CPLX2: variants seen among roughly 807,000 people sequenced by gnomAD.
CPLX2 encodes complexin-2.
A neutral mutation model predicts 16.3 loss-of-function variants in CPLX2; 5 were observed. The observed-to-expected ratio is 0.31, with a 90% CI of 0.16 to 0.64. CPLX2 has a LOEUF of 0.64. Among genes scored for constraint, CPLX2 ranks in the 30% least tolerant of loss-of-function variants. CPLX2 has a pLI of 0.79. For missense variants in CPLX2, 144 were observed against 181.4 expected (o/e 0.79, Z 1.18); for synonymous variants, 89 against 73.2 (o/e 1.22, Z -1.10).
At chr5:175,879,250 A>G (rs981930627) in intron 3 of CPLX2, among the ~76,000 whole-genome samples, 167 bp downstream of exon 3, 13 of 152,158 alleles carry the variant, frequency 8.5e-5, no homozygotes, top group Admixed American at 2.6e-4. Flanking sequence ...CACCTCCCTC[A>G]AGGGATCCTT....
At chr5:175,827,744 T>C (rs1411227111) in intron 2 of CPLX2, among the ~76,000 whole-genome samples, 1 of 152,118 alleles carries the variant, frequency 6.6e-6, no homozygotes, top group African/African-American at 2.4e-5. Context: ...TGAGTGACAG[T>C]GAGACTCCGT....
intron 2 of CPLX2, among the ~76,000 whole-genome samples, chr5:175,815,626 CA>C (rs752251855): frequency 6.0e-5 from 9 of 150,932 alleles, no homozygotes; most frequent in Non-Finnish European, 1.2e-4. Context: ...GTTGACCAAA[CA>C]ATATGTACCA....
At chr5:175,867,741 C>T (rs531668572), upstream of CPLX2, among the ~76,000 whole-genome samples, 1 of 152,098 alleles carries the variant, frequency 6.6e-6, no homozygotes, top group African/African-American at 2.4e-5. Context: ...GATGATGACA[C>T]ACAGCGCCTG....
At chr5:175,838,364 T>A (rs1758875407) in intron 2 of CPLX2, among the ~76,000 whole-genome samples, 1 of 149,580 alleles carries the variant, frequency 6.7e-6, no homozygotes, top group African/African-American at 2.5e-5. Context: ...ACCTCCTGGG[T>A]TCACGCCATT....
intron 2 of CPLX2, among the ~76,000 whole-genome samples, chr5:175,846,819 G>A (rs1024750652): frequency 2.6e-5 from 4 of 152,146 alleles, no homozygotes; most frequent in African/African-American, 9.7e-5. Context: ...CTCCCGGGCT[G>A]CTGGAGTGTG....
In CPLX2 at chr5:175,836,708, G is replaced by A. The variant is rs536183256; in HGVS notation, c.-89+27640G>A. 5.3e-5 allele frequency among the ~76,000 whole-genome samples: 8 copies of A among 152,316 alleles called. No individual in the cohort carries two copies. In the South Asian group the frequency reaches 6.2e-4, roughly 12 times the overall value. On this transcript the variant is annotated intron_variant, in intron 2 of 4. Transcript: ENST00000359546. Reference sequence around the variant, plus strand: ...TAAGCATTCCGTCTTCAACTACCCCGTCCTCTGTCCAAAAGATAGAGGCCT... The same window carrying A: ...TAAGCATTCCGTCTTCAACTACCCCATCCTCTGTCCAAAAGATAGAGGCCT...
rs563025343 is a variant in CPLX2 at position 175,832,565 on chromosome 5, T to C, written c.-89+23497T>C. Among the ~76,000 whole-genome samples, 148 of 152,318 alleles carry C rather than the reference T, an allele frequency of 9.7e-4. 3 individuals are homozygous for C. In the South Asian group the frequency reaches 0.015, roughly 15 times the overall value. On this transcript the variant is annotated intron_variant, in intron 2 of 4. Coordinates refer to the CPLX2 transcript ENST00000359546. ...CTGTGACGCTTTCAGTTATGTTCTT[T>C]TGTAAATGCCAGACAAGCTTGGGGA...
chr5:175,833,377 G>A (rs1263108922), intron 2 of CPLX2, among the ~76,000 whole-genome samples: 4 of 152,100 alleles, frequency 2.6e-5, no homozygotes, highest in African/African-American at 4.8e-5. Context: ...CAGAGAACTC[G>A]TGGTGAAGAA....
intron 2 of CPLX2, among the ~76,000 whole-genome samples, chr5:175,826,628 C>A (rs1228686978): frequency 3.3e-5 from 5 of 151,690 alleles, no homozygotes; most frequent in Non-Finnish European, 5.9e-5. Flanking sequence ...GGGAAGGAGA[C>A]GAAGAAAGGA....
chr5:175,881,446 G>A lies in CPLX2; in HGVS notation c.*1401G>A, dbSNP rs1448737170. 3 of 153,440 alleles carry A rather than the reference G, an allele frequency of 2.0e-5. No homozygotes were observed. The highest frequency in any genetic ancestry group is 4.4e-5 in the Non-Finnish European group (3 of 68,180). The allele number at this position is 153,440 out of a possible 1,614,324, so 9.5% of individuals were successfully genotyped here. A position where few individuals can be genotyped will look rare whatever the true frequency, so the allele number is the denominator to read the frequency against. ...GTTTAGAGGCTGTATATGTTAGCTT[G>A]TGTAAGAATGTGTTTTCAAAACAGT... On this transcript the variant is annotated 3_prime_UTR_variant, in exon 4 of 4. Transcript: ENST00000393745.
At chr5:175,850,257 G>A (rs1182731009) in intron 2 of CPLX2, among the ~76,000 whole-genome samples, 2 of 152,190 alleles carry the variant, frequency 1.3e-5, no homozygotes, top group Admixed American at 1.3e-4. Context: ...TGGGGTCTGA[G>A]GTCACCCATG....
At chr5:175,875,409 C>T (rs1214995172) in intron 1 of CPLX2, among the ~76,000 whole-genome samples, 1 of 152,196 alleles carries the variant, frequency 6.6e-6, no homozygotes, top group East Asian at 1.9e-4. Context: ...GTTACAGGAG[C>T]TCCCACTCAC....
chr5:175,835,728 C>CT lies in CPLX2; in HGVS notation c.-89+26688dup, dbSNP rs71575283. 3.2e-3 allele frequency among the ~76,000 whole-genome samples: 173 copies of CT among 54,800 alleles called. 18 individuals carry two copies. Among genetic ancestry groups the CT allele is most frequent in the South Asian group, 0.016 (16 of 1,016 alleles). 36.0% of individuals were successfully genotyped at this position (54,800 alleles called of 152,430 possible). ...TTTTATTTATTTATTTATTTATTTA[C>CT]TTTTTTTTTTTTTTTTTTTTTTTTT... On this transcript the variant is annotated intron_variant, in intron 2 of 4. Transcript: ENST00000359546.
chr5:175,856,414 CAGT>C (rs1759258082), intron 2 of CPLX2, among the ~76,000 whole-genome samples: 3 of 152,186 alleles, frequency 2.0e-5, no homozygotes, highest in Admixed American at 2.0e-4. Flanking sequence ...GACTTGCCTA[CAGT>C]CACCCAGCTA....
Position 175,845,496 on chromosome 5 carries a change from T to A in CPLX2, c.-88-33156T>A, listed in dbSNP as rs562298173. On this transcript the variant is annotated intron_variant, in intron 2 of 4. Coordinates refer to the CPLX2 transcript ENST00000359546. The surrounding 1 kb of genome is among the most constrained non-coding windows in gnomAD (Gnocchi z 4.0). Reference sequence around the variant, plus strand: ...GGCAGATTATCCCATCAGGCAAAGGTCACTCCCCCTCATGAGGGCCACTCC... The same window carrying A: ...GGCAGATTATCCCATCAGGCAAAGGACACTCCCCCTCATGAGGGCCACTCC... 6.6e-6 allele frequency among the ~76,000 whole-genome samples: 1 copy of A among 152,318 alleles called. No homozygotes were observed. Among genetic ancestry groups the A allele is most frequent in the East Asian group, 1.9e-4 (1 of 5,182 alleles).
chr5:175,838,661 A>G (rs1486217402), intron 2 of CPLX2, among the ~76,000 whole-genome samples: 4 of 152,016 alleles, frequency 2.6e-5, no homozygotes, highest in Non-Finnish European at 4.4e-5. Context: ...GGCTGTGACC[A>G]CATGGTTTTC....
intron 2 of CPLX2, among the ~76,000 whole-genome samples, chr5:175,822,355 C>T (rs1758527323): frequency 1.3e-5 from 2 of 152,198 alleles, no homozygotes; most frequent in African/African-American, 4.8e-5. Context: ...TGATGTCTAA[C>T]AGACCAGGGT....
intron 2 of CPLX2, among the ~76,000 whole-genome samples, chr5:175,843,206 C>A (rs940949715): frequency 3.9e-5 from 6 of 152,206 alleles, no homozygotes; most frequent in Admixed American, 2.0e-4. Context: ...AGACAACAGG[C>A]TGGCCTGGCT....
intron 2 of CPLX2, among the ~76,000 whole-genome samples, chr5:175,864,197 GAC>G (rs1201948389): frequency 2.0e-5 from 3 of 152,156 alleles, no homozygotes; most frequent in African/African-American, 7.2e-5. Context: ...TCACCAATGG[GAC>G]ACAGTCTCAG....
Sources: allele counts gnomAD v4.1 joint callset (sites outside exome capture counted in the v4.1 genomes callset), GRCh38; gene constraint gnomAD v4.1.1; non-coding constraint Gnocchi (gnomAD v3.1); transcripts MANE v1.5; gene names NCBI Gene and HGNC (gene_info 2026-07-23, HGNC 2026-07-21).